CCDC141: variants seen among roughly 807,000 people sequenced by gnomAD.
The protein encoded by CCDC141 is coiled-coil domain containing 141.
A neutral mutation model predicts 181.0 loss-of-function variants in CCDC141; 168 were observed. The ratio of observed to expected loss-of-function variants is 0.93; its 90% confidence interval spans 0.82 to 1.05. CCDC141 has a LOEUF of 1.05. Among genes scored for constraint, CCDC141 ranks in the 50% least tolerant of loss-of-function variants. CCDC141 has a pLI of 0.00. For synonymous variants in CCDC141, 666 were observed against 642.3 expected (o/e 1.04, Z -0.56); for missense variants, 1,902 against 1,788.5 (o/e 1.06, Z -1.14).
intron 22 of CCDC141, among the ~76,000 whole-genome samples, chr2:178,839,602 A>T (rs1684639582): frequency 6.7e-6 from 1 of 149,876 alleles, no homozygotes; most frequent in Non-Finnish European, 1.5e-5. Context: ...AAAAAAAAAA[A>T]AAAAATGTGT....
At chr2:179,005,067 T>C (rs1283087479) in intron 2 of CCDC141, among the ~76,000 whole-genome samples, 1 of 152,212 alleles carries the variant, frequency 6.6e-6, no homozygotes, top group Non-Finnish European at 1.5e-5. Flanking sequence ...AAAAATTTTT[T>C]TGGCTTCTTG....
intron 2 of CCDC141, among the ~76,000 whole-genome samples, chr2:179,003,593 A>G (rs2042043394): frequency 6.6e-6 from 1 of 152,172 alleles, no homozygotes; most frequent in African/African-American, 2.4e-5. Context: ...TGTACCTTCT[A>G]ACTACTATTA....
chr2:178,873,766 G>A (rs910159180), intron 12 of CCDC141: 2 of 152,120 alleles, frequency 1.3e-5, no homozygotes, highest in African/African-American at 4.8e-5. Context: ...TGTAGGACAT[G>A]GAAAATGTTT....
Position 178,869,105 on chromosome 2 carries a change from TC to T in CCDC141, c.2394+11del, listed in dbSNP as rs1023133506. 3.9e-6 allele frequency: 6 copies of T among 1,538,130 alleles called. No individual in the cohort carries two copies. The African/African-American group carries it at 8.4e-5, about 22-fold the overall frequency. ...AACTCAGGATTTTTCAGACATCCCT[TC>T]TAAGCCTTACCTCTTCCTTGACTTG... On this transcript the variant is annotated intron_variant, in intron 15 of 23. Transcript: ENST00000443758.
chr2:178,991,713 T>C (rs1692063706), intron 2 of CCDC141, among the ~76,000 whole-genome samples: 1 of 152,122 alleles, frequency 6.6e-6, no homozygotes, highest in African/African-American at 2.4e-5. Context: ...ATCACAACTG[T>C]TTGAGGTGAC....
chr2:179,027,683 T>TAAAAAAAAAAAAAAA (rs2042891223), intron 2 of CCDC141, among the ~76,000 whole-genome samples: 1 of 110,908 alleles, frequency 9.0e-6, no homozygotes. Flanking sequence ...AAAAAAAAAG[T>TAAAAAAAAAAAAAAA]TTCCCTGCAC....
At position 179,012,596 on chromosome 2, in the gene CCDC141, C is replaced by T. The variant is rs193004470; in HGVS notation, c.226-33921G>A. On this transcript the variant is annotated intron_variant, in intron 2 of 23. Transcript: ENST00000443758. The stretch of plus-strand genomic sequence containing the variant: ...ACTATTCCACAAGATAAAGAAGGAA[C>T]CCTCCCTAATTCATTCTATGAAGCC... 8.0e-4 allele frequency among the ~76,000 whole-genome samples: 122 copies of T among 151,692 alleles called. 1 individual carries two copies. In the East Asian group the frequency reaches 0.017, roughly 21 times the overall value.
chr2:179,044,461 T>G (rs1169247231), intron 2 of CCDC141, among the ~76,000 whole-genome samples: 1 of 152,072 alleles, frequency 6.6e-6, no homozygotes. Flanking sequence ...GGTATGCAAA[T>G]TTGAGCACAG....
chr2:178,938,159 T>C (rs1346845608), intron 6 of CCDC141, among the ~76,000 whole-genome samples: 28 of 152,092 alleles, frequency 1.8e-4, no homozygotes, highest in Admixed American at 1.8e-3. Flanking sequence ...TGATAGGTTG[T>C]TAGTTTGAGA....
intron 3 of CCDC141, among the ~76,000 whole-genome samples, chr2:178,977,600 T>A (rs1247644995): frequency 6.6e-6 from 1 of 152,214 alleles, no homozygotes; most frequent in Non-Finnish European, 1.5e-5. Context: ...AACAAGTTCA[T>A]GATGCATGAG....
chr2:179,010,885 A>G (rs2042249707), intron 2 of CCDC141, among the ~76,000 whole-genome samples: 1 of 152,186 alleles, frequency 6.6e-6, no homozygotes, highest in South Asian at 2.1e-4. Context: ...CCGGCTGGGC[A>G]TGGTGGCTCA....
At chr2:179,045,188 G>T (rs1489850641) in intron 2 of CCDC141, among the ~76,000 whole-genome samples, 3 of 138,276 alleles carry the variant, frequency 2.2e-5, no homozygotes, top group African/African-American at 8.3e-5. Flanking sequence ...ACAGTCCCCA[G>T]AGTGTGATGT....
Position 178,837,762 on chromosome 2 carries a change from C to G in CCDC141, c.3475-18G>C. ...ACCTGCCCCTTGAAAAAAGAAAAGC[C>G]AAATCATCCTTATTCATTCATTTTT... On this transcript the variant is annotated intron_variant, in intron 22 of 23. Coordinates refer to ENST00000443758, the MANE Select transcript of CCDC141 (RefSeq NM_173648.4). The G allele has an allele frequency of 6.3e-7, 1 of 1,580,304 alleles. No individual in the cohort carries two copies. Among genetic ancestry groups the G allele is most frequent in the South Asian group, 1.2e-5 (1 of 85,496 alleles).
intron 2 of CCDC141, among the ~76,000 whole-genome samples, chr2:178,981,521 G>A (rs1256705101): frequency 6.6e-6 from 1 of 150,856 alleles, no homozygotes; most frequent in Non-Finnish European, 1.5e-5. Flanking sequence ...AAGTCTCAGG[G>A]AAATACAAAT....
At chr2:178,948,175 T>C (rs552416818) in intron 5 of CCDC141, among the ~76,000 whole-genome samples, 2 of 151,936 alleles carry the variant, frequency 1.3e-5, no homozygotes, top group African/African-American at 4.8e-5. Context: ...CACTCCAGCT[T>C]GGGCAATAGG....
At chr2:179,048,594 C>T (rs574069946) in intron 1 of CCDC141, among the ~76,000 whole-genome samples, 1 of 152,306 alleles carries the variant, frequency 6.6e-6, no homozygotes, top group South Asian at 2.1e-4. Flanking sequence ...TGCCTCTTTT[C>T]CCTCATTGCT....
intron 13 of CCDC141, 135 bp from the exon 14 acceptor site, chr2:178,871,687 A>C: frequency 9.8e-7 from 1 of 1,020,270 alleles, no homozygotes. Context: ...GCATGAGCTC[A>C]GGGTTCTAAA....
At chr2:179,011,482 A>G (rs1186092279) in intron 2 of CCDC141, among the ~76,000 whole-genome samples, 2 of 152,158 alleles carry the variant, frequency 1.3e-5, no homozygotes, top group Non-Finnish European at 2.9e-5. Flanking sequence ...AACAATTACT[A>G]ATAGACCTAA....
chr2:178,980,377 G>A (rs577858941), intron 2 of CCDC141, among the ~76,000 whole-genome samples: 167 of 152,268 alleles, frequency 1.1e-3, no homozygotes, highest in Non-Finnish European at 2.1e-3. Flanking sequence ...ATGAACCCAG[G>A]AGGTGGAGCT....
Sources: allele counts gnomAD v4.1 joint callset (sites outside exome capture counted in the v4.1 genomes callset), GRCh38; gene constraint gnomAD v4.1.1; transcripts MANE v1.5; gene names NCBI Gene and HGNC (gene_info 2026-07-23, HGNC 2026-07-21).